Variants in ATRNL1 observed in about 807,000 individuals in gnomAD.
ATRNL1 encodes attractin like 1.
A neutral mutation model predicts 182.7 loss-of-function variants in ATRNL1; 95 were observed. The ratio of observed to expected loss-of-function variants is 0.52; its 90% CI spans 0.44 to 0.62. The LOEUF (loss-of-function observed/expected upper bound fraction) is 0.62, where lower values mean the gene tolerates loss of function less well. Ranked by LOEUF, ATRNL1 falls within the 20% of genes least tolerant of loss-of-function variation. The pLI, the probability that ATRNL1 is intolerant of heterozygous loss-of-function variation, is 0.00. For synonymous variants in ATRNL1, 576 were observed against 568.3 expected, an observed-to-expected ratio of 1.01 and a Z score of -0.19; for missense variants, 1,471 against 1,679.5, an observed-to-expected ratio of 0.88 and a Z score of 2.17.
chr10:115,745,695 G>T (rs1338763889), intron 27 of ATRNL1, among the ~76,000 whole-genome samples: 1 of 151,992 alleles, frequency 6.6e-6, no homozygotes, highest in Non-Finnish European at 1.5e-5. Context: ...GTATTAGATT[G>T]GTGCAGATGT....
chr10:115,393,286 T>G (rs1844121121), intron 19 of ATRNL1, among the ~76,000 whole-genome samples: 1 of 152,186 alleles, frequency 6.6e-6, no homozygotes, highest in Non-Finnish European at 1.5e-5. Flanking sequence ...ATATTTCACT[T>G]AGGTATACAG....
chr10:115,385,701 A>G (rs540663997), intron 19 of ATRNL1, among the ~76,000 whole-genome samples: 60 of 152,244 alleles, frequency 3.9e-4, no homozygotes, highest in South Asian at 6.2e-4. Context: ...TAACTCTTAC[A>G]TGGAAATTTG....
chr10:115,402,767 T>C (rs1158421373), intron 20 of ATRNL1, among the ~76,000 whole-genome samples: 1 of 152,176 alleles, frequency 6.6e-6, no homozygotes, highest in South Asian at 2.1e-4. Flanking sequence ...TGGCTCCCCT[T>C]TTCTGTTCCT....
At chr10:115,795,081 C>T (rs1387427067) in intron 27 of ATRNL1, among the ~76,000 whole-genome samples, 2 of 152,112 alleles carry the variant, frequency 1.3e-5, no homozygotes, top group Non-Finnish European at 2.9e-5. Flanking sequence ...CTTTCTATGC[C>T]TCAGTGATTT....
chr10:115,907,871 A>G (rs1444182304), intron 28 of ATRNL1, among the ~76,000 whole-genome samples: 3 of 152,314 alleles, frequency 2.0e-5, no homozygotes, highest in African/African-American at 7.2e-5. Context: ...TTGACAAACT[A>G]ACCAGCAAGC....
chr10:115,761,722 A>G (rs1316640233), intron 27 of ATRNL1, among the ~76,000 whole-genome samples: 3 of 152,204 alleles, frequency 2.0e-5, no homozygotes, highest in Non-Finnish European at 4.4e-5. Context: ...CTGGATAAAA[A>G]TCCTAGCTTT....
At chr10:115,874,744 T>A (rs1951662800) in intron 28 of ATRNL1, among the ~76,000 whole-genome samples, 2 of 152,116 alleles carry the variant, frequency 1.3e-5, no homozygotes, top group South Asian at 4.1e-4. Flanking sequence ...ACAGTCTAAG[T>A]GGAGAGTCAC....
intron 26 of ATRNL1, among the ~76,000 whole-genome samples, chr10:115,659,713 A>C (rs1555037187): frequency 6.6e-6 from 1 of 152,142 alleles, no homozygotes; most frequent in Non-Finnish European, 1.5e-5. Context: ...TAATCATTGG[A>C]GACATTGTCT....
chr10:115,442,303 C>CTCTCTCTCTCTCTGTGTG (rs782157017), intron 21 of ATRNL1, among the ~76,000 whole-genome samples: 75 of 123,856 alleles, frequency 6.1e-4, no homozygotes, highest in Non-Finnish European at 8.8e-4. Context: ...CTCTCTCTCT[C>CTCTCTCTCTCTCTGTGTG]TGTGTGTATG....
At chr10:115,246,218 G>A (rs1393072224) in intron 10 of ATRNL1, among the ~76,000 whole-genome samples, 1 of 152,018 alleles carries the variant, frequency 6.6e-6, no homozygotes, top group Non-Finnish European at 1.5e-5. Context: ...GATTTACCAT[G>A]GTTAAACCCA....
chr10:115,379,452 G>A (rs1857864494), intron 19 of ATRNL1, among the ~76,000 whole-genome samples: 1 of 152,146 alleles, frequency 6.6e-6, no homozygotes, highest in Non-Finnish European at 1.5e-5. Context: ...CTGTACAATG[G>A]TAATTCTTTT....
chr10:115,233,054 A>G (rs1029320769), intron 9 of ATRNL1, among the ~76,000 whole-genome samples: 2 of 151,956 alleles, frequency 1.3e-5, no homozygotes, highest in Admixed American at 6.6e-5. Flanking sequence ...ATTCCTGGGC[A>G]TACTTTGATT....
chr10:115,168,121 A>G (rs1166260474), intron 7 of ATRNL1, among the ~76,000 whole-genome samples: 8 of 152,124 alleles, frequency 5.3e-5, no homozygotes, highest in African/African-American at 1.9e-4. Flanking sequence ...ACTTAGCATA[A>G]TTTCAAGGTT....
intron 18 of ATRNL1, among the ~76,000 whole-genome samples, chr10:115,323,378 C>A (rs151135683): frequency 0.012 from 1,771 of 149,650 alleles, 35 homozygotes; most frequent in African/African-American, 0.04. Context: ...TGTCATCATA[C>A]CCTTCTTCTT....
At chr10:115,857,418 A>G (rs1589611888) in intron 28 of ATRNL1, among the ~76,000 whole-genome samples, 1 of 152,348 alleles carries the variant, frequency 6.6e-6, no homozygotes, top group South Asian at 2.1e-4. Context: ...CTACAGTCAC[A>G]TAGTAAATAA....
chr10:115,786,341 A>C (rs560750985), intron 27 of ATRNL1, among the ~76,000 whole-genome samples: 34 of 152,260 alleles, frequency 2.2e-4, no homozygotes, highest in South Asian at 1.7e-3. Flanking sequence ...TTATACCAAC[A>C]GAAGTGTATG....
At chr10:115,851,033 GTCT>G (rs1355994908) in intron 28 of ATRNL1, among the ~76,000 whole-genome samples, 1 of 152,238 alleles carries the variant, frequency 6.6e-6, no homozygotes, top group African/African-American at 2.4e-5. Context: ...ATTATTAAGA[GTCT>G]TCTTATAGAT....
At chr10:115,324,442 T>C (rs929288950) in intron 18 of ATRNL1, among the ~76,000 whole-genome samples, 35 of 152,224 alleles carry the variant, frequency 2.3e-4, no homozygotes, top group African/African-American at 8.4e-4. Context: ...AGTATATTTG[T>C]ATAACCTGGG....
chr10:115,280,815 A>T (rs1275564446), intron 13 of ATRNL1, among the ~76,000 whole-genome samples: 1 of 152,172 alleles, frequency 6.6e-6, no homozygotes, highest in East Asian at 1.9e-4. Context: ...TTGCAATATC[A>T]AGTCATGTCA....
Sources: allele counts gnomAD v4.1 joint callset (sites outside exome capture counted in the v4.1 genomes callset), GRCh38; gene constraint gnomAD v4.1.1; transcripts MANE v1.5; gene names NCBI Gene and HGNC (gene_info 2026-07-23, HGNC 2026-07-21).